Variants in PPM1A observed in about 807,000 individuals in gnomAD.
PPM1A encodes protein phosphatase, Mg2+/Mn2+ dependent 1A, also known as protein phosphatase 1A.
Under a neutral mutation model 35.0 loss-of-function variants are expected in PPM1A, and 7 were observed. That is an observed-to-expected ratio of 0.20 (90% CI 0.11 to 0.38). The LOEUF is 0.38. Among genes scored for constraint, PPM1A ranks in the 10% least tolerant of loss-of-function variants. The pLI, the probability that PPM1A is intolerant of heterozygous loss-of-function variation, is 1.00. For missense variants in PPM1A, 239 were observed against 467.8 expected, an observed-to-expected ratio of 0.51 and a Z score of 4.51; for synonymous variants, 153 against 167.3, an observed-to-expected ratio of 0.91 and a Z score of 0.66.
intron 1 of PPM1A, among the ~76,000 whole-genome samples, chr14:60,253,412 G>A (rs28376112): frequency 0.075 from 11,427 of 152,040 alleles, 720 homozygotes; most frequent in African/African-American, 0.18. Context: ...GGAAATACAG[G>A]GTCAGAGAAC....
upstream of PPM1A, chr14:60,245,839 T>C (rs1056915504): frequency 1.9e-6 from 3 of 1,573,460 alleles, no homozygotes; most frequent in Non-Finnish European, 2.6e-6. The surrounding 1 kb of genome is among the most constrained non-coding windows in gnomAD (Gnocchi z 4.2). Context: ...AGGGGCACTG[T>C]CTGCTCGCAT....
intron 1 of PPM1A, among the ~76,000 whole-genome samples, chr14:60,274,965 T>G (rs1209130666): frequency 6.6e-6 from 1 of 152,044 alleles, no homozygotes. Flanking sequence ...TTAGCCTAAG[T>G]ATCTGAAATT....
chr14:60,258,399 GATTA>G (rs1883379155), intron 1 of PPM1A, among the ~76,000 whole-genome samples: 1 of 152,094 alleles, frequency 6.6e-6, no homozygotes, highest in African/African-American at 2.4e-5. Context: ...TGAATGAGCA[GATTA>G]ATAAATAAAT....
intron 3 of PPM1A, chr14:60,288,206 T>C: frequency 1.0e-6 from 1 of 981,486 alleles, no homozygotes; most frequent in Non-Finnish European, 1.2e-6. Flanking sequence ...AGAATTTGTT[T>C]TCCTGTAATT....
chr14:60,285,550 A>T, intron 2 of PPM1A, 74 bp from the exon 3 acceptor site: 1 of 1,360,884 alleles, frequency 7.3e-7, no homozygotes, highest in South Asian at 1.3e-5. Context: ...TGTAATTGGC[A>T]CAGCTGTAAA....
At chr14:60,287,613 TA>T (rs1887155061) in intron 3 of PPM1A, 1 of 985,204 alleles carries the variant, frequency 1.0e-6, no homozygotes, top group Non-Finnish European at 1.2e-6. Flanking sequence ...TGTGACCTAC[TA>T]AACCTCATTT....
intron 1 of PPM1A, among the ~76,000 whole-genome samples, chr14:60,266,817 T>A (rs1037992010): frequency 1.3e-5 from 2 of 152,182 alleles, no homozygotes; most frequent in Non-Finnish European, 2.9e-5. Flanking sequence ...TTAATCAAGG[T>A]CTGGGAACAA....
At chr14:60,280,657 C>G (rs1173256447) in intron 1 of PPM1A, among the ~76,000 whole-genome samples, 2 of 152,114 alleles carry the variant, frequency 1.3e-5, no homozygotes, top group Non-Finnish European at 1.5e-5. Context: ...GTCTTGGTTA[C>G]TGCAATTTTG....
At chr14:60,280,796 T>TA (rs1886315566) in intron 1 of PPM1A, among the ~76,000 whole-genome samples, 1 of 152,224 alleles carries the variant, frequency 6.6e-6, no homozygotes, top group Non-Finnish European at 1.5e-5. Flanking sequence ...AAATCATAGA[T>TA]ACCTAGGTTC....
rs1882041027 is a variant in PPM1A, at chr14:60,249,377, T to C, written c.-321T>C. On this transcript the variant is annotated 5_prime_UTR_variant, in exon 1 of 6. Transcript: ENST00000395076. The surrounding 1 kb of genome is among the most constrained non-coding windows in gnomAD (Gnocchi z 4.5). Reference sequence around the variant, plus strand: ...TGGGGAGGGGGGGGTGGGGGGACTCTAGACAGCTGAGGCGCGAAAGCGATG... The same window carrying C: ...TGGGGAGGGGGGGGTGGGGGGACTCCAGACAGCTGAGGCGCGAAAGCGATG... 2.0e-6 allele frequency: 2 copies of C among 983,918 alleles called. No homozygotes were observed. Among genetic ancestry groups the C allele is most frequent in the South Asian group, 4.7e-5 (1 of 21,296 alleles). The allele number at this position is 983,918 out of a possible 1,614,324, so 60.9% of individuals were successfully genotyped here. A position where few individuals can be genotyped will look rare whatever the true frequency, so the allele number is the denominator to read the frequency against.
intron 3 of PPM1A, chr14:60,287,971 T>G (rs1887210982): frequency 1.0e-6 from 1 of 983,562 alleles, no homozygotes; most frequent in Admixed American, 6.2e-5. Flanking sequence ...CTTCTATATA[T>G]AAATATTCTT....
Position 60,249,644 on chromosome 14 carries a change from C to A in PPM1A, c.-54C>A, listed in dbSNP as rs1882085018. The A allele has an allele frequency of 2.0e-6, 2 of 985,914 alleles. No individual in the cohort carries two copies. The highest frequency in any genetic ancestry group is 2.4e-6 in the Non-Finnish European group (2 of 830,794). 61.1% of individuals were successfully genotyped at this position (985,914 alleles called of 1,614,324 possible). A position where few individuals can be genotyped will look rare whatever the true frequency, so the allele number is the denominator to read the frequency against. ...CGGCTGCCGCCGCCGCCGCCTCGGC[C>A]GACCAGGGACCTGCCCGCCTGCGGC... On this transcript the variant is annotated 5_prime_UTR_variant, in exon 1 of 6. Transcript: ENST00000395076. This position sits in a 1 kb window ranked among gnomAD's most constrained non-coding sequence, Gnocchi z 4.5.
chr14:60,292,511 T>C lies in PPM1A; in HGVS notation c.*29T>C. On this transcript the variant is annotated 3_prime_UTR_variant, in exon 6 of 6. Transcript: ENST00000395076. The surrounding 1 kb of genome is among the most constrained non-coding windows in gnomAD (Gnocchi z 4.2). ...TGCTCATCTAGCCATGGAGTTTACCTTCACCTCCAAAGGAGAGTACAGCTC... is the reference window on the plus strand; with the variant it reads ...TGCTCATCTAGCCATGGAGTTTACCCTCACCTCCAAAGGAGAGTACAGCTC... The C allele has an allele frequency of 6.4e-7, 1 of 1,568,928 alleles. No homozygotes were observed. Among genetic ancestry groups the C allele is most frequent in the Non-Finnish European group, 8.8e-7 (1 of 1,140,616 alleles).
chr14:60,246,346 CCT>C (rs1345135500), upstream of PPM1A, among the ~76,000 whole-genome samples: 3 of 152,048 alleles, frequency 2.0e-5, no homozygotes, highest in East Asian at 1.9e-4. Context: ...CACTACAGCC[CCT>C]GTCCTCACCC....
intron 1 of PPM1A, chr14:60,277,079 G>T: frequency 8.5e-7 from 1 of 1,178,908 alleles, no homozygotes; most frequent in Non-Finnish European, 1.1e-6. Flanking sequence ...CTCAAGAACA[G>T]ATTTATGACT....
At chr14:60,255,417 C>T (rs537840213) in intron 1 of PPM1A, among the ~76,000 whole-genome samples, 28 of 151,998 alleles carry the variant, frequency 1.8e-4, no homozygotes, top group African/African-American at 6.3e-4. Flanking sequence ...GTGATCCGCC[C>T]GCCTCGGCCT....
At chr14:60,268,875 C>A (rs927064703) in intron 1 of PPM1A, among the ~76,000 whole-genome samples, 4 of 150,332 alleles carry the variant, frequency 2.7e-5, no homozygotes, top group Non-Finnish European at 4.4e-5. Flanking sequence ...TTTCTTCTTT[C>A]TTTACACATT....
At position 60,296,607 on chromosome 14, in the gene PPM1A, G is replaced by A. The variant is rs2139618690; in HGVS notation, c.*4125G>A. Reference sequence around the variant, plus strand: ...TTCTTTAGAGTTCAAAATTTTAGAAGCCTAATTTGCTCTTACTTCCTTCAA... The same window carrying A: ...TTCTTTAGAGTTCAAAATTTTAGAAACCTAATTTGCTCTTACTTCCTTCAA... On this transcript the variant is annotated 3_prime_UTR_variant, in exon 6 of 6. Coordinates refer to ENST00000395076, the MANE Select transcript of PPM1A (RefSeq NM_021003.5). This position sits in a 1 kb window ranked among gnomAD's most constrained non-coding sequence, Gnocchi z 4.4. The A allele has an allele frequency of 3.0e-6, 1 of 331,612 alleles. No homozygotes were observed. The highest frequency in any genetic ancestry group is 2.1e-5 in the African/African-American group (1 of 47,392). 20.5% of individuals were successfully genotyped at this position (331,612 alleles called of 1,614,324 possible). A position where few individuals can be genotyped will look rare whatever the true frequency, so the allele number is the denominator to read the frequency against.
chr14:60,284,722 CATAT>C lies in PPM1A; in HGVS notation c.835-890_835-887del, dbSNP rs752315572. On this transcript the variant is annotated intron_variant, in intron 2 of 5. Transcript: ENST00000395076. ...ATGTGTGTGTGTATATATATATATACATATATATATATATAATGCCTAGTTTAGC... is the reference window on the plus strand; with the variant it reads ...ATGTGTGTGTGTATATATATATATACATATATATATAATGCCTAGTTTAGC... Among the ~76,000 whole-genome samples the C allele has an allele frequency of 4.4e-5, 5 of 112,424 alleles. No homozygotes were observed. The East Asian group carries it at 1.1e-3, about 26-fold the overall frequency. 73.8% of individuals were successfully genotyped at this position (112,424 alleles called of 152,430 possible).
Sources: allele counts gnomAD v4.1 joint callset (sites outside exome capture counted in the v4.1 genomes callset), GRCh38; gene constraint gnomAD v4.1.1; non-coding constraint Gnocchi (gnomAD v3.1); transcripts MANE v1.5; gene names NCBI Gene and HGNC (gene_info 2026-07-23, HGNC 2026-07-21).